Variants in FOXP1 observed in about 807,000 individuals in gnomAD.
The protein encoded by FOXP1 is forkhead box protein P1.
A neutral mutation model predicts 98.2 loss-of-function variants in FOXP1; 15 were observed. The ratio of observed to expected loss-of-function variants is 0.15; its 90% CI spans 0.10 to 0.24. The LOEUF (loss-of-function observed/expected upper bound fraction) is 0.24. FOXP1 is among the 10% of genes least tolerant of loss of function. The probability of loss-of-function intolerance (pLI) is 1.00; values close to 1 mark genes in which losing one functional copy is unlikely to be tolerated. For missense variants in FOXP1, 633 were observed against 848.5 expected (o/e 0.75, Z 3.15); for synonymous variants, 371 against 314.5 (o/e 1.18, Z -1.90).
At chr3:71,278,429 C>T (rs2071150834) in intron 5 of FOXP1, among the ~76,000 whole-genome samples, 2 of 152,156 alleles carry the variant, frequency 1.3e-5, no homozygotes, top group Admixed American at 1.3e-4. Flanking sequence ...AGAAGAAAAC[C>T]CAGCTTGCCT....
In FOXP1 at chr3:71,344,938, T is replaced by C. The variant is rs560485203; in HGVS notation, c.-73+14212A>G. Among the ~76,000 whole-genome samples the C allele has an allele frequency of 1.8e-4, 27 of 152,278 alleles. No individual in the cohort carries two copies. The East Asian group carries it at 2.7e-3, about 15-fold the overall frequency. On this transcript the variant is annotated intron_variant, in intron 4 of 20. Coordinates refer to ENST00000649528, the MANE Select transcript of FOXP1 (RefSeq NM_001349338.3). ...GGAACATTACTTAGTGCTAAGATCA[T>C]AGGAAAATAATTTAACAAATACAGA...
At chr3:71,103,197 C>T (rs2057123073) in intron 7 of FOXP1, among the ~76,000 whole-genome samples, 1 of 152,130 alleles carries the variant, frequency 6.6e-6, no homozygotes. Context: ...TGAATGAATG[C>T]ATGCATGTAT....
chr3:71,331,489 G>A (rs529088334), intron 4 of FOXP1, among the ~76,000 whole-genome samples: 5 of 152,112 alleles, frequency 3.3e-5, no homozygotes, highest in South Asian at 2.1e-4. Flanking sequence ...GCGGGCGCAC[G>A]GCGCGGGACT....
intron 3 of FOXP1, among the ~76,000 whole-genome samples, chr3:71,455,029 C>T (rs1234208715): frequency 1.3e-5 from 2 of 152,132 alleles, no homozygotes; most frequent in African/African-American, 2.4e-5. Context: ...CATGTCATAG[C>T]TTTGTATATG....
chr3:71,032,701 AC>A (rs772833091), intron 11 of FOXP1, among the ~76,000 whole-genome samples: 87 of 152,286 alleles, frequency 5.7e-4, no homozygotes, highest in Non-Finnish European at 9.7e-4. Context: ...CAGCAATAAA[AC>A]AGAATAACTG....
intron 12 of FOXP1, among the ~76,000 whole-genome samples, chr3:71,009,167 G>GGGGGGGGT (rs1559707758): frequency 2.4e-5 from 2 of 84,152 alleles, no homozygotes; most frequent in Non-Finnish European, 5.9e-5. Context: ...GGGGGGGGGG[G>GGGGGGGGT]GCGCATGACA....
At chr3:71,496,041 G>T (rs538558462) in intron 2 of FOXP1, among the ~76,000 whole-genome samples, 27 of 152,148 alleles carry the variant, frequency 1.8e-4, no homozygotes, top group Non-Finnish European at 3.4e-4. Flanking sequence ...AGAACCTCAA[G>T]AGCTTTCAAT....
At chr3:71,523,946 A>T (rs1424279082) in intron 2 of FOXP1, among the ~76,000 whole-genome samples, 1 of 152,208 alleles carries the variant, frequency 6.6e-6, no homozygotes, top group East Asian at 1.9e-4. Context: ...CATCACGGAG[A>T]TGAGGGAATG....
rs376661841 is a variant in FOXP1, at chr3:71,522,757, ATC to A, written c.-297-29204_-297-29203del. Among the ~76,000 whole-genome samples the A allele has an allele frequency of 7.9e-5, 12 of 152,272 alleles. No homozygotes were observed. In the East Asian group the frequency reaches 2.1e-3, roughly 27 times the overall value. On this transcript the variant is annotated intron_variant, in intron 2 of 20. Transcript: ENST00000649528. Reference sequence around the variant, plus strand: ...CATGACTTGGGCCCACCTACTGCACATCTGTGTCTGATGTTTGCACACAGAGA... The same window carrying A: ...CATGACTTGGGCCCACCTACTGCACATGTGTCTGATGTTTGCACACAGAGA...
At chr3:71,562,114 C>A (rs985326925) in intron 2 of FOXP1, among the ~76,000 whole-genome samples, 1 of 152,168 alleles carries the variant, frequency 6.6e-6, no homozygotes, top group Non-Finnish European at 1.5e-5. Context: ...TTCTATCCTC[C>A]GAGCTGTCAA....
At chr3:71,050,486 C>T (rs1024574132) in intron 9 of FOXP1, among the ~76,000 whole-genome samples, 3 of 152,160 alleles carry the variant, frequency 2.0e-5, no homozygotes, top group Non-Finnish European at 4.4e-5. Flanking sequence ...AATTTTGATG[C>T]CTTTGAAAAG....
At chr3:71,036,962 C>T (rs2047678300) in intron 11 of FOXP1, among the ~76,000 whole-genome samples, 1 of 152,156 alleles carries the variant, frequency 6.6e-6, no homozygotes, top group Non-Finnish European at 1.5e-5. Context: ...TGAATGAAAA[C>T]TTTAAGTACT....
chr3:71,098,258 G>A (rs530945760), intron 7 of FOXP1, among the ~76,000 whole-genome samples: 3 of 152,182 alleles, frequency 2.0e-5, no homozygotes, highest in South Asian at 2.1e-4. Flanking sequence ...TTCATTGAAC[G>A]TAATCTTGAC....
chr3:70,990,564 AATTCC>A (rs1214178692), intron 13 of FOXP1, among the ~76,000 whole-genome samples: 1 of 152,214 alleles, frequency 6.6e-6, no homozygotes, highest in Non-Finnish European at 1.5e-5. Context: ...TTAAACTATG[AATTCC>A]ATGAAAAGCA....
chr3:70,958,508 C>A lies in FOXP1; in HGVS notation c.*739G>T. ...AAAGCTACAAACGAGAAATGACATTCAGCTTTGTATAATAAAAACACCTAT... is the reference window on the plus strand; with the variant it reads ...AAAGCTACAAACGAGAAATGACATTAAGCTTTGTATAATAAAAACACCTAT... On this transcript the variant is annotated 3_prime_UTR_variant, in exon 21 of 21. Coordinates refer to ENST00000649528, the MANE Select transcript of FOXP1 (RefSeq NM_001349338.3). 5.3e-6 allele frequency: 2 copies of A among 374,954 alleles called. No homozygotes were observed. Among genetic ancestry groups the A allele is most frequent in the Non-Finnish European group, 5.1e-6 (1 of 195,278 alleles). 23.2% of individuals were successfully genotyped at this position (374,954 alleles called of 1,614,324 possible).
intron 19 of FOXP1, chr3:70,968,357 C>T (rs934601910): frequency 1.4e-5 from 2 of 140,762 alleles, no homozygotes; most frequent in African/African-American, 2.7e-5. Flanking sequence ...TTCTGCCTAA[C>T]AAAGTGTTTT....
chr3:71,582,872 C>T, intron 1 of FOXP1: 1 of 936,830 alleles, frequency 1.1e-6, no homozygotes, highest in Non-Finnish European at 1.3e-6. Flanking sequence ...GCGCGCGTGG[C>T]AGCGGGGAAG....
At chr3:71,053,937 T>C (rs2050258740) in intron 7 of FOXP1, among the ~76,000 whole-genome samples, 164 bp from the exon 8 acceptor site, 1 of 152,202 alleles carries the variant, frequency 6.6e-6, no homozygotes, top group African/African-American at 2.4e-5. Flanking sequence ...ATTTAATCTA[T>C]CATGGAGTTT....
In FOXP1 at chr3:71,493,171, C is replaced by T. The variant is rs140992984; in HGVS notation, c.-168+255G>A. 4.9e-3 allele frequency among the ~76,000 whole-genome samples: 742 copies of T among 152,262 alleles called. 5 individuals carry two copies. Among genetic ancestry groups the T allele is most frequent in the African/African-American group, 0.017 (700 of 41,530 alleles). On this transcript the variant is annotated intron_variant, in intron 3 of 20. Coordinates refer to ENST00000649528, the MANE Select transcript of FOXP1 (RefSeq NM_001349338.3). ...ATTCAACGTTGCACATGGACCAAAA[C>T]TGAGATAGTCCATCCTTCAGAGTAT...
Sources: gnomAD v4.1 joint callset for allele counts (sites outside exome capture counted in the v4.1 genomes callset) on GRCh38, gnomAD v4.1.1 for gene constraint, MANE v1.5 for transcripts, NCBI Gene and HGNC (gene_info 2026-07-23, HGNC 2026-07-21) for gene names.